The following LARP4B variants were observed in gnomAD, a reference collection of about 807,000 sequenced individuals.
LARP4B encodes La ribonucleoprotein 4B, also known as la-related protein 4B.
In LARP4B, 12 loss-of-function variants were observed where a neutral mutation model predicts 89.8. The observed-to-expected ratio is 0.13, with a 90% confidence interval of 0.09 to 0.22. The LOEUF (loss-of-function observed/expected upper bound fraction) is 0.22, where lower values mean the gene tolerates loss of function less well. Ranked by LOEUF, LARP4B falls within the 10% of genes least tolerant of loss-of-function variation. The pLI is 1.00. For synonymous variants in LARP4B, 367 were observed against 363.3 expected, an observed-to-expected ratio of 1.01 and a Z score of -0.12; for missense variants, 757 against 947.7, an observed-to-expected ratio of 0.80 and a Z score of 2.64.
Position 815,315 on chromosome 10 carries a change from C to T in LARP4B, c.1696-245G>A, listed in dbSNP as rs1240483865. On this transcript the variant is annotated intron_variant, in intron 15 of 17. Coordinates refer to ENST00000316157, the MANE Select transcript of LARP4B (RefSeq NM_015155.3). ...CATCACAGGCCCTTATCTCCTCTCCCGCAATGATGATCTACAAGCTTATTT... is the reference window on the plus strand; with the variant it reads ...CATCACAGGCCCTTATCTCCTCTCCTGCAATGATGATCTACAAGCTTATTT... 10 of 332,706 alleles carry T rather than the reference C, an allele frequency of 3.0e-5. No homozygotes were observed. The East Asian group carries it at 3.5e-4, about 12-fold the overall frequency. The allele number at this position is 332,706 out of a possible 1,614,324, so 20.6% of individuals were successfully genotyped here. A position where few individuals can be genotyped will look rare whatever the true frequency, so the allele number is the denominator to read the frequency against.
At position 844,965 on chromosome 10, in the gene LARP4B, C is replaced by CACCA; in HGVS notation, c.509+8_509+11dup. ...AAATATCAGGTACTAGAAAAACCACCACCAGCCTTACCTAGATAAGCAGAA... is the reference window on the plus strand; with the variant it reads ...AAATATCAGGTACTAGAAAAACCACCACCAACCAGCCTTACCTAGATAAGCAGAA... On this transcript the variant is annotated intron_variant, in intron 6 of 17. Transcript: ENST00000316157. 6.2e-7 allele frequency: 1 copy of CACCA among 1,600,780 alleles called. No homozygotes were observed. Among genetic ancestry groups the CACCA allele is most frequent in the Non-Finnish European group, 8.5e-7 (1 of 1,173,952 alleles).
At chr10:966,987 G>A in the LARP4B span, among the ~76,000 whole-genome samples, 2 of 152,218 alleles carry the variant, frequency 1.3e-5, no homozygotes, top group African/African-American at 2.4e-5. Flanking sequence ...AAGACAAGGC[G>A]TTCGAACCCT....
At chr10:815,117 C>A (rs372892538) in intron 15 of LARP4B, 47 bp from the exon 16 acceptor site, 2 of 1,510,526 alleles carry the variant, frequency 1.3e-6, no homozygotes, top group East Asian at 2.3e-5. Flanking sequence ...CGGCACTAAG[C>A]GGAGCTGGTA....
Position 843,061 on chromosome 10 carries a change from G to A in LARP4B, c.517C>T (p.Leu173Phe). 1 of 1,613,094 alleles carries A rather than the reference G, an allele frequency of 6.2e-7. No homozygotes were observed. Among genetic ancestry groups the A allele is most frequent in the Non-Finnish European group, 8.5e-7 (1 of 1,179,544 alleles). ...GATATAAGATACATGTCACTAGCAA[G>A]GTTCTCCCTGTTGAAAGAAAACAAT... The part of the protein sequence containing the change: ...TLEFCLSREN[L>F]ASDMYLISQM... The change falls in exon 7 of 18, where the codon CTT becomes TTT. Residue 173 changes from leucine (L) to phenylalanine (F), a missense_variant. Leu to Phe is a conservative substitution (Grantham distance 22). Coordinates refer to ENST00000316157, the MANE Select transcript of LARP4B (RefSeq NM_015155.3).
chr10:942,568 A>G, the LARP4B span: 1 of 152,170 alleles, frequency 6.6e-6, no homozygotes, highest in Admixed American at 6.5e-5. Context: ...CCACACGATG[A>G]GTTAATATAT....
chr10:912,047 C>G (rs375099211), intron 1 of LARP4B, among the ~76,000 whole-genome samples: 1 of 152,234 alleles, frequency 6.6e-6, no homozygotes. Flanking sequence ...GACTGGGCCA[C>G]TCACCAACCT....
chr10:868,788 G>A (rs1835044361), intron 3 of LARP4B, among the ~76,000 whole-genome samples: 1 of 152,218 alleles, frequency 6.6e-6, no homozygotes, highest in Admixed American at 6.5e-5. Flanking sequence ...TACAGAAGGG[G>A]ATTTCTACTT....
the LARP4B span, chr10:987,092 AAAAG>A: frequency 1.3e-5 from 2 of 152,164 alleles, no homozygotes; most frequent in Non-Finnish European, 2.9e-5. Context: ...ACAAGAACCT[AAAAG>A]AAAGGGCAAT....
chr10:872,968 A>G (rs1564423380), intron 3 of LARP4B: 1 of 945,588 alleles, frequency 1.1e-6, no homozygotes, highest in East Asian at 1.2e-4. Flanking sequence ...CGCCAGCTAC[A>G]CTGCTGGCTC....
At chr10:830,768 T>A in intron 9 of LARP4B, 99 bp downstream of exon 9, 1 of 642,880 alleles carries the variant, frequency 1.6e-6, no homozygotes, top group South Asian at 1.8e-5. Flanking sequence ...AAACTTACCA[T>A]CACAAGTAAT....
chr10:835,284 T>C (rs926320142), intron 8 of LARP4B, among the ~76,000 whole-genome samples: 1 of 152,152 alleles, frequency 6.6e-6, no homozygotes, highest in Non-Finnish European at 1.5e-5. Context: ...CTTTCTCACA[T>C]GCTAGGGTTG....
intron 1 of LARP4B, among the ~76,000 whole-genome samples, chr10:894,860 T>C (rs916692637): frequency 2.6e-5 from 4 of 152,190 alleles, no homozygotes; most frequent in Admixed American, 6.5e-5. Flanking sequence ...AGGATCACTA[T>C]AGTATCCTCT....
chr10:954,729 A>G, the LARP4B span, among the ~76,000 whole-genome samples: 2 of 152,076 alleles, frequency 1.3e-5, no homozygotes, highest in African/African-American at 4.8e-5. The surrounding 1 kb of genome is among the most constrained non-coding windows in gnomAD (Gnocchi z 5.0). Flanking sequence ...CATGCATGGC[A>G]GATGTCTCCT....
chr10:823,442 G>A (rs1034973792), intron 13 of LARP4B, among the ~76,000 whole-genome samples: 1 of 152,128 alleles, frequency 6.6e-6, no homozygotes, highest in Non-Finnish European at 1.5e-5. Flanking sequence ...GACCACATTC[G>A]TCAGCAAGCT....
At chr10:817,578 A>G (rs1472011164) in intron 15 of LARP4B, 147 bp downstream of exon 15, 1 of 755,248 alleles carries the variant, frequency 1.3e-6, no homozygotes, top group African/African-American at 1.7e-5. Flanking sequence ...CTTACTCCAA[A>G]TCTGTGTGAC....
At chr10:895,328 T>A (rs1836153127) in intron 1 of LARP4B, among the ~76,000 whole-genome samples, 1 of 152,104 alleles carries the variant, frequency 6.6e-6, no homozygotes, top group Non-Finnish European at 1.5e-5. Context: ...ATTTAAAATT[T>A]GTATTAATGA....
chr10:903,482 T>A (rs1836400080), intron 1 of LARP4B: 2 of 152,192 alleles, frequency 1.3e-5, no homozygotes, highest in African/African-American at 4.8e-5. Flanking sequence ...TTATTGATAG[T>A]CTCCATAAAA....
the LARP4B span, among the ~76,000 whole-genome samples, chr10:956,205 C>T: frequency 1.3e-5 from 2 of 152,162 alleles, no homozygotes; most frequent in Admixed American, 6.5e-5. This position sits in a 1 kb window ranked among gnomAD's most constrained non-coding sequence, Gnocchi z 4.3. Flanking sequence ...TACAGCTGAG[C>T]GTGACGGCAG....
At chr10:827,737 C>A (rs1236823340) in intron 11 of LARP4B, among the ~76,000 whole-genome samples, 6 of 152,126 alleles carry the variant, frequency 3.9e-5, no homozygotes, top group Non-Finnish European at 5.9e-5. Context: ...GCAGGAAGAA[C>A]TGAAAGGACT....
Sources: gnomAD v4.1 joint callset for allele counts (sites outside exome capture counted in the v4.1 genomes callset) on GRCh38, gnomAD v4.1.1 for gene constraint, Gnocchi (gnomAD v3.1) non-coding constraint, MANE v1.5 for transcripts, NCBI Gene and HGNC (gene_info 2026-07-23, HGNC 2026-07-21) for gene names.